Variants in CMIP observed in about 807,000 individuals in gnomAD.
The protein encoded by CMIP is c-Maf inducing protein, also known as C-Maf-inducing protein.
A neutral mutation model predicts 97.3 loss-of-function variants in CMIP; 13 were observed. That is an observed-to-expected ratio of 0.13 (90% CI 0.09 to 0.21). CMIP has a LOEUF of 0.21. Ranked by LOEUF, CMIP falls within the 10% of genes least tolerant of loss-of-function variation. The pLI is 1.00. For synonymous variants in CMIP, 538 were observed against 436.3 expected, an observed-to-expected ratio of 1.23 and a Z score of -2.91; for missense variants, 847 against 1,024.9, an observed-to-expected ratio of 0.83 and a Z score of 2.37.
At chr16:81,583,731 C>T (rs1163585274) in intron 1 of CMIP, among the ~76,000 whole-genome samples, 2 of 152,100 alleles carry the variant, frequency 1.3e-5, no homozygotes, top group African/African-American at 4.8e-5. Context: ...ACCCCTTTCC[C>T]AAGTGGTTTC....
chr16:81,569,211 AGT>A (rs2150885761), intron 1 of CMIP, among the ~76,000 whole-genome samples: 1 of 152,272 alleles, frequency 6.6e-6, no homozygotes, highest in South Asian at 2.1e-4. Flanking sequence ...GAATATCTGT[AGT>A]GACAGCTCCT....
chr16:81,592,906 A>T (rs1475907668), intron 1 of CMIP, among the ~76,000 whole-genome samples: 1 of 152,182 alleles, frequency 6.6e-6, no homozygotes, highest in Non-Finnish European at 1.5e-5. Context: ...GTTGGAAATG[A>T]TGCTGACTTT....
rs553745001 is a variant in CMIP at position 81,558,754 on chromosome 16, T to G, written c.301-48813T>G. Reference sequence around the variant, plus strand: ...TTGCTGCTTGGCACCCCAGGAAGCTTTTCTTGGATTGTCTCATTTCAGTCC... The same window carrying G: ...TTGCTGCTTGGCACCCCAGGAAGCTGTTCTTGGATTGTCTCATTTCAGTCC... On this transcript the variant is annotated intron_variant, in intron 1 of 20. Transcript: ENST00000537098. 1.4e-3 allele frequency among the ~76,000 whole-genome samples: 217 copies of G among 152,224 alleles called. 1 individual carries two copies. The highest frequency in any genetic ancestry group is 5.1e-3 in the African/African-American group (213 of 41,546).
intron 1 of CMIP, among the ~76,000 whole-genome samples, chr16:81,528,799 T>C (rs2090178773): frequency 6.6e-6 from 1 of 152,222 alleles, no homozygotes; most frequent in Admixed American, 6.5e-5. Context: ...TCATGCCTGC[T>C]CGCCCTGCTT....
At chr16:81,660,470 T>G (rs1022138517) in intron 5 of CMIP, among the ~76,000 whole-genome samples, 2 of 152,096 alleles carry the variant, frequency 1.3e-5, no homozygotes, top group African/African-American at 4.8e-5. Context: ...AGACGGAGTT[T>G]CCCTATGTTG....
chr16:81,478,429 T>C (rs542249766), intron 1 of CMIP, among the ~76,000 whole-genome samples: 2 of 152,270 alleles, frequency 1.3e-5, no homozygotes, highest in East Asian at 3.9e-4. Context: ...CCGGAGAAGA[T>C]AGTGAGCTCC....
At chr16:81,675,445 C>G (rs1457484279) in intron 9 of CMIP, among the ~76,000 whole-genome samples, 1 of 150,846 alleles carries the variant, frequency 6.6e-6, no homozygotes, top group East Asian at 2.0e-4. Context: ...TCTCAAACTC[C>G]TGGCCTCAAG....
chr16:81,486,531 C>G (rs1274545201), intron 1 of CMIP, among the ~76,000 whole-genome samples: 2 of 152,206 alleles, frequency 1.3e-5, no homozygotes, highest in African/African-American at 4.8e-5. Flanking sequence ...GGCCGGGCCA[C>G]TTTGCACTTG....
At chr16:81,590,968 T>C (rs762867795) in intron 1 of CMIP, among the ~76,000 whole-genome samples, 4 of 152,240 alleles carry the variant, frequency 2.6e-5, no homozygotes, top group African/African-American at 4.8e-5. Context: ...TGATCATTTG[T>C]GTATTGTCTG....
chr16:81,576,870 G>T (rs1353915121), intron 1 of CMIP, among the ~76,000 whole-genome samples: 1 of 152,076 alleles, frequency 6.6e-6, no homozygotes. Context: ...ATTAAATTTG[G>T]TGAAGCTTGA....
chr16:81,593,715 G>A (rs916455055), intron 1 of CMIP, among the ~76,000 whole-genome samples: 16 of 152,118 alleles, frequency 1.1e-4, no homozygotes, highest in Non-Finnish European at 1.8e-4. Flanking sequence ...ATGGATCCTC[G>A]CCTCACCCGG....
chr16:81,549,865 T>G (rs957704211), intron 1 of CMIP, among the ~76,000 whole-genome samples: 2 of 152,134 alleles, frequency 1.3e-5, no homozygotes, highest in Admixed American at 1.3e-4. Context: ...CATATGCCAG[T>G]GTGTATGTTT....
intron 10 of CMIP, among the ~76,000 whole-genome samples, chr16:81,685,473 TCTC>T (rs1313727242): frequency 1.3e-5 from 2 of 152,062 alleles, no homozygotes; most frequent in African/African-American, 4.8e-5. Context: ...TGATTTCAAA[TCTC>T]CTTAGAGTTC....
intron 10 of CMIP, among the ~76,000 whole-genome samples, chr16:81,689,710 T>C (rs1905835960): frequency 6.6e-6 from 1 of 152,236 alleles, no homozygotes; most frequent in South Asian, 2.1e-4. Context: ...TTTGGTATTT[T>C]AGTCATGAAG....
At chr16:81,541,587 A>G (rs1386679599) in intron 1 of CMIP, among the ~76,000 whole-genome samples, 1 of 152,212 alleles carries the variant, frequency 6.6e-6, no homozygotes, top group Admixed American at 6.5e-5. Flanking sequence ...TTATTTGAAG[A>G]TTACATAAAC....
chr16:81,523,591 C>G (rs983778073), intron 1 of CMIP, among the ~76,000 whole-genome samples: 4 of 152,248 alleles, frequency 2.6e-5, no homozygotes, highest in Non-Finnish European at 5.9e-5. Flanking sequence ...TCGAGTCACT[C>G]AGCCCAACCG....
intron 1 of CMIP, among the ~76,000 whole-genome samples, chr16:81,491,620 G>A (rs970136533): frequency 2.0e-5 from 3 of 152,198 alleles, no homozygotes; most frequent in Admixed American, 1.3e-4. Flanking sequence ...GTATACACCA[G>A]CTGAATGGGT....
chr16:81,572,140 C>G (rs1266950124), intron 1 of CMIP, among the ~76,000 whole-genome samples: 1 of 152,230 alleles, frequency 6.6e-6, no homozygotes, highest in Non-Finnish European at 1.5e-5. Flanking sequence ...CATGTTCTTC[C>G]CAAGGCTTCA....
chr16:81,564,952 A>G (rs2090952691), intron 1 of CMIP, among the ~76,000 whole-genome samples: 1 of 151,934 alleles, frequency 6.6e-6, no homozygotes, highest in South Asian at 2.1e-4. Context: ...GGGAGGCATG[A>G]ACCTGTGGGG....
Sources: gnomAD v4.1 joint callset for allele counts (sites outside exome capture counted in the v4.1 genomes callset) on GRCh38, gnomAD v4.1.1 for gene constraint, MANE v1.5 for transcripts, NCBI Gene and HGNC (gene_info 2026-07-23, HGNC 2026-07-21) for gene names.